AGTPBP1: variants seen among roughly 807,000 people sequenced by gnomAD.
AGTPBP1 encodes the protein cytosolic carboxypeptidase 1.
AGTPBP1 carries 70 observed loss-of-function variants against 143.9 expected under a neutral mutation model. The observed-to-expected ratio is 0.49, with a 90% CI of 0.40 to 0.59. The LOEUF (loss-of-function observed/expected upper bound fraction) is 0.59. AGTPBP1 is among the 20% of genes least tolerant of loss of function. The pLI is 0.00. For synonymous variants in AGTPBP1, 463 were observed against 500.2 expected (o/e 0.93, Z 0.99); for missense variants, 1,229 against 1,464.5 (o/e 0.84, Z 2.62).
At chr9:85,731,948 A>C (rs933171896) in intron 1 of AGTPBP1, among the ~76,000 whole-genome samples, 1 of 152,210 alleles carries the variant, frequency 6.6e-6, no homozygotes, top group Non-Finnish European at 1.5e-5. Flanking sequence ...ATGTTCAGAT[A>C]CTTATAAAAA....
intron 17 of AGTPBP1, among the ~76,000 whole-genome samples, chr9:85,597,215 T>C (rs1206167785): frequency 2.0e-5 from 3 of 152,042 alleles, no homozygotes; most frequent in Non-Finnish European, 1.5e-5. Context: ...TTCTGACTGG[T>C]TATTCCAACA....
the AGTPBP1 span, among the ~76,000 whole-genome samples, chr9:85,782,238 G>A: frequency 6.6e-6 from 1 of 152,232 alleles, no homozygotes; most frequent in Non-Finnish European, 1.5e-5. Flanking sequence ...GAATTGGCTA[G>A]GTGCGGTGGC....
chr9:85,780,985 T>C, the AGTPBP1 span, among the ~76,000 whole-genome samples: 3 of 152,176 alleles, frequency 2.0e-5, no homozygotes, highest in South Asian at 2.1e-4. Context: ...GGCGTGGTGC[T>C]GGGCACCTGT....
At chr9:85,548,678 T>TG (rs1311020636) in intron 25 of AGTPBP1, among the ~76,000 whole-genome samples, 16 of 132,682 alleles carry the variant, frequency 1.2e-4, no homozygotes, top group African/African-American at 3.2e-4. Flanking sequence ...TTTTTTTGTT[T>TG]TTGTTTTTGT....
At chr9:85,795,562 A>G in the AGTPBP1 span, among the ~76,000 whole-genome samples, 1 of 152,196 alleles carries the variant, frequency 6.6e-6, no homozygotes, top group Non-Finnish European at 1.5e-5. Context: ...TGACATACCA[A>G]TGAGTAAAAC....
the AGTPBP1 span, among the ~76,000 whole-genome samples, chr9:85,753,718 C>T: frequency 1.3e-5 from 2 of 151,822 alleles, no homozygotes; most frequent in African/African-American, 4.8e-5. Context: ...TGCCACTGCA[C>T]TCCAGCCTGG....
chr9:85,604,030 T>A lies in AGTPBP1; in HGVS notation c.2336-7581A>T, dbSNP rs141596293. ...TCTAGGCCCTGAATGCTGTACAGCA[T>A]TCTGGAACCTGCCCTGGGCTGAGGG... On this transcript the variant is annotated intron_variant, in intron 17 of 25. Coordinates refer to ENST00000357081, the MANE Select transcript of AGTPBP1 (RefSeq NM_001330701.2). Among the ~76,000 whole-genome samples the A allele has an allele frequency of 2.8e-3, 432 of 152,288 alleles. 2 individuals carry two copies. Among genetic ancestry groups the A allele is most frequent in the Non-Finnish European group, 5.1e-3 (345 of 68,018 alleles).
At chr9:85,722,017 T>C (rs1838161181) in intron 1 of AGTPBP1, among the ~76,000 whole-genome samples, 2 of 152,234 alleles carry the variant, frequency 1.3e-5, no homozygotes, top group Admixed American at 6.5e-5. Flanking sequence ...TTCTGGCTTG[T>C]AGGGTTTCTG....
chr9:85,619,732 T>G (rs995061165), intron 15 of AGTPBP1, among the ~76,000 whole-genome samples: 1 of 152,226 alleles, frequency 6.6e-6, no homozygotes, highest in Non-Finnish European at 1.5e-5. Context: ...AGCACACGTA[T>G]TATCATTTTA....
At chr9:85,662,493 A>G (rs1564118327) in intron 8 of AGTPBP1, among the ~76,000 whole-genome samples, 1 of 152,202 alleles carries the variant, frequency 6.6e-6, no homozygotes, top group Non-Finnish European at 1.5e-5. Flanking sequence ...ATATAAAACT[A>G]TGAGAATAAG....
upstream of AGTPBP1, among the ~76,000 whole-genome samples, chr9:85,742,238 A>C (rs1421254796): frequency 1.3e-5 from 2 of 152,060 alleles, no homozygotes; most frequent in African/African-American, 4.8e-5. Context: ...TGTACCCAGC[A>C]GCCCCGGCCA....
chr9:85,569,021 A>G (rs1389635024), intron 25 of AGTPBP1, among the ~76,000 whole-genome samples: 1 of 152,214 alleles, frequency 6.6e-6, no homozygotes, highest in Non-Finnish European at 1.5e-5. Flanking sequence ...ACAGGAATGA[A>G]TATCACCCAC....
Position 85,575,422 on chromosome 9 carries a change from A to G in AGTPBP1, c.3396T>C (p.Val1132=). 6.2e-7 allele frequency: 1 copy of G among 1,609,858 alleles called. No homozygotes were observed. Among genetic ancestry groups the G allele is most frequent in the Non-Finnish European group, 8.5e-7 (1 of 1,178,946 alleles). ...TCAGTCTTTTCAAACGTAAAAGACC[A>G]ACACAAAATTTTGCTCCCATCTCTT... ...ELEEMGAKFC[V]GLLRLKRLTS... Residue 1132 remains valine (V), a synonymous_variant, in exon 25 of 26, where the codon GTT becomes GTC. Transcript: ENST00000357081.
chr9:85,734,327 T>C (rs1451009394), intron 1 of AGTPBP1, among the ~76,000 whole-genome samples: 1 of 149,942 alleles, frequency 6.7e-6, no homozygotes, highest in African/African-American at 2.5e-5. Flanking sequence ...TTCTACAAAA[T>C]ACTTAAAAAA....
chr9:85,800,024 G>A, the AGTPBP1 span, among the ~76,000 whole-genome samples: 2 of 152,164 alleles, frequency 1.3e-5, no homozygotes, highest in Non-Finnish European at 2.9e-5. Flanking sequence ...TCTCTTGAAA[G>A]GATCCCAGCA....
chr9:85,556,121 C>T lies in AGTPBP1; in HGVS notation c.3504-8835G>A, dbSNP rs148945451. 2.1e-3 allele frequency among the ~76,000 whole-genome samples: 324 copies of T among 151,936 alleles called. 1 individual carries two copies. The highest frequency in any genetic ancestry group is 6.4e-3 in the African/African-American group (267 of 41,452). ...CTATGTAACAAACCTGCATATGTAT[C>T]GCTGAACCTAGAAGTTTAAAAAATA... On this transcript the variant is annotated intron_variant, in intron 25 of 25. Coordinates refer to ENST00000357081, the MANE Select transcript of AGTPBP1 (RefSeq NM_001330701.2).
intron 1 of AGTPBP1, among the ~76,000 whole-genome samples, chr9:85,740,300 CAG>C (rs1287103421): frequency 6.6e-6 from 1 of 152,082 alleles, no homozygotes; most frequent in African/African-American, 2.4e-5. Flanking sequence ...CAATTCAAGG[CAG>C]AGTTTTGTGA....
chr9:85,742,508 A>T (rs1045991941), upstream of AGTPBP1, among the ~76,000 whole-genome samples: 3 of 152,144 alleles, frequency 2.0e-5, no homozygotes, highest in African/African-American at 7.2e-5. Context: ...GCTGGAAGGG[A>T]CATGCTGTTA....
chr9:85,567,718 T>C (rs1827201483), intron 25 of AGTPBP1, among the ~76,000 whole-genome samples: 1 of 152,122 alleles, frequency 6.6e-6, no homozygotes, highest in African/African-American at 2.4e-5. Context: ...TGGTGAATTA[T>C]AAAATGCTAC....
Sources: allele counts gnomAD v4.1 joint callset (sites outside exome capture counted in the v4.1 genomes callset), GRCh38; gene constraint gnomAD v4.1.1; transcripts MANE v1.5; gene names NCBI Gene and HGNC (gene_info 2026-07-23, HGNC 2026-07-21).